PTPRQ: variants seen among roughly 807,000 people sequenced by gnomAD.
PTPRQ encodes the protein phosphatidylinositol phosphatase PTPRQ.
PTPRQ carries 199 observed loss-of-function variants against 246.0 expected under a neutral mutation model. That is an observed-to-expected ratio of 0.81 (90% CI 0.72 to 0.91). The LOEUF (loss-of-function observed/expected upper bound fraction) is 0.91. Among genes scored for constraint, PTPRQ ranks in the 40% least tolerant of loss-of-function variants. PTPRQ has a pLI of 0.00. For missense variants in PTPRQ, 2,624 were observed against 2,528.4 expected (o/e 1.04, Z -0.81); for synonymous variants, 869 against 853.2 (o/e 1.02, Z -0.32).
rs10679738 is a variant in PTPRQ at position 80,501,942 on chromosome 12, C to CA, written c.2273-4073dup. The stretch of plus-strand genomic sequence containing the variant: ...AGTCAGATTAACAGAGTATGATAGG[C>CA]AAAAAAAAATGTAGAAAATGAGGAA... On this transcript the variant is annotated intron_variant, in intron 14 of 44. Coordinates refer to ENST00000644991, the MANE Select transcript of PTPRQ (RefSeq NM_001145026.2). 3.6e-3 allele frequency among the ~76,000 whole-genome samples: 532 copies of CA among 147,934 alleles called. 2 individuals are homozygous for CA. The highest frequency in any genetic ancestry group is 8.1e-3 in the South Asian group (38 of 4,714).
chr12:80,567,209 C>T (rs1376184056), intron 25 of PTPRQ, among the ~76,000 whole-genome samples: 1 of 152,112 alleles, frequency 6.6e-6, no homozygotes, highest in East Asian at 1.9e-4. Context: ...GATTGTTTTT[C>T]TATTAAAAAT....
chr12:80,489,866 A>G (rs1168197628), intron 9 of PTPRQ, among the ~76,000 whole-genome samples: 2 of 152,100 alleles, frequency 1.3e-5, no homozygotes, highest in Non-Finnish European at 1.5e-5. Context: ...GAAACCTGAG[A>G]CATTTTTCTC....
chr12:80,610,806 T>C (rs1898522004), intron 28 of PTPRQ, among the ~76,000 whole-genome samples, 181 bp downstream of exon 28: 1 of 150,366 alleles, frequency 6.7e-6, no homozygotes, highest in African/African-American at 2.4e-5. Context: ...ATTTTTGAGG[T>C]AAAGAGGAGT....
rs115529731 is a variant in PTPRQ at position 80,602,654 on chromosome 12, C to T, written c.4610-2405C>T. Among the ~76,000 whole-genome samples the T allele has an allele frequency of 1.5e-3, 227 of 151,820 alleles. 1 individual carries two copies. The highest frequency in any genetic ancestry group is 4.7e-3 in the African/African-American group (196 of 41,474). ...TTCACCATGGGAGGTATTCTCATGA[C>T]GTAATCACCTCTTATAGGCCCCACC... On this transcript the variant is annotated intron_variant, in intron 26 of 44. Coordinates refer to ENST00000644991, the MANE Select transcript of PTPRQ (RefSeq NM_001145026.2).
intron 14 of PTPRQ, among the ~76,000 whole-genome samples, chr12:80,502,286 A>T (rs920073956): frequency 2.0e-5 from 3 of 151,928 alleles, no homozygotes; most frequent in Non-Finnish European, 4.4e-5. Context: ...AAGCAAGTTT[A>T]TTAGCTTCAA....
chr12:80,586,605 C>T (rs1016060510), intron 25 of PTPRQ: 1 of 152,096 alleles, frequency 6.6e-6, no homozygotes, highest in African/African-American at 2.4e-5. Flanking sequence ...TCTTCTAATC[C>T]CTTCTCTGAT....
chr12:80,552,344 T>C (rs1052187419), intron 25 of PTPRQ, among the ~76,000 whole-genome samples: 6 of 151,906 alleles, frequency 3.9e-5, no homozygotes, highest in Non-Finnish European at 8.8e-5. Flanking sequence ...GGTATAATGG[T>C]CTTGATCATT....
intron 25 of PTPRQ, among the ~76,000 whole-genome samples, chr12:80,558,133 C>CTTTTCTTTTCTTTTCTTTT (rs1896707247): frequency 9.4e-6 from 1 of 106,268 alleles, no homozygotes; most frequent in Non-Finnish European, 1.7e-5. Flanking sequence ...CTTTTCTTTT[C>CTTTTCTTTTCTTTTCTTTT]TTTTCTTTTC....
chr12:80,556,189 A>T (rs1247047330), intron 25 of PTPRQ, among the ~76,000 whole-genome samples: 5 of 152,050 alleles, frequency 3.3e-5, no homozygotes. Flanking sequence ...CACCACACCC[A>T]GCTAATTTTT....
Position 80,549,513 on chromosome 12 carries a change from C to A in PTPRQ, c.4064C>A (p.Ser1355Ter). The A allele has an allele frequency of 6.4e-7, 1 of 1,550,950 alleles. No individual in the cohort carries two copies. Among genetic ancestry groups the A allele is most frequent in the Non-Finnish European group, 8.7e-7 (1 of 1,146,510 alleles). The part of the protein sequence containing the change: ...NMQCMATSWQ[S>*]VLVKWDPPKK... ...CAGTGCATGGCAACTAGCTGGCAGTCAGTTTTAGTGAAATGGGATCCACCC... is the reference window on the plus strand; with the variant it reads ...CAGTGCATGGCAACTAGCTGGCAGTAAGTTTTAGTGAAATGGGATCCACCC... The change falls in exon 25 of 45, where the codon TCA becomes TAA. Residue 1355 changes from serine (S) to a stop codon, truncating the protein, a stop_gained. Transcript: ENST00000644991. LOFTEE classifies it high-confidence loss of function.
intron 33 of PTPRQ, among the ~76,000 whole-genome samples, chr12:80,628,605 T>C (rs1219680293): frequency 6.6e-6 from 1 of 152,302 alleles, no homozygotes; most frequent in East Asian, 1.9e-4. Flanking sequence ...TCAAAATCAA[T>C]ATATTTGTTC....
chr12:80,499,214 C>T (rs1409074683), intron 14 of PTPRQ, among the ~76,000 whole-genome samples: 1 of 152,036 alleles, frequency 6.6e-6, no homozygotes, highest in Non-Finnish European at 1.5e-5. Context: ...GGGAAACCAA[C>T]ATATCCCATG....
At chr12:80,511,905 A>G (rs1895137013) in intron 17 of PTPRQ, among the ~76,000 whole-genome samples, 1 of 152,240 alleles carries the variant, frequency 6.6e-6, no homozygotes, top group Non-Finnish European at 1.5e-5. Flanking sequence ...AAGGGAGTTC[A>G]TAGATAATTT....
At chr12:80,629,307 C>A (rs1390057658) in intron 33 of PTPRQ, among the ~76,000 whole-genome samples, 4 of 152,120 alleles carry the variant, frequency 2.6e-5, no homozygotes, top group Non-Finnish European at 5.9e-5. Flanking sequence ...ACTCCAAATA[C>A]AGCCACACTG....
rs984219697 is a variant in PTPRQ, at chr12:80,649,661, G to A, written c.6016G>A (p.Glu2006Lys). 1.3e-6 allele frequency: 2 copies of A among 1,548,362 alleles called. No individual in the cohort carries two copies. Among genetic ancestry groups the A allele is most frequent in the Admixed American group, 2.0e-5 (1 of 50,678 alleles). ...CTNNNLKFQE[E>K]FSELPKFLQD... ...AAACAACAACCTAAAGTTTCAAGAA[G>A]AATTTTCGGTATGTTACTAGCAGTT... is the stretch of plus-strand genomic sequence containing the variant. Residue 2006 changes from glutamate (E) to lysine (K), a missense_variant, in exon 37 of 45, where the codon GAA becomes AAA. Coordinates refer to ENST00000644991, the MANE Select transcript of PTPRQ (RefSeq NM_001145026.2).
intron 16 of PTPRQ, among the ~76,000 whole-genome samples, chr12:80,509,685 A>G (rs1191756995): frequency 6.6e-6 from 1 of 152,122 alleles, no homozygotes; most frequent in Non-Finnish European, 1.5e-5. Context: ...AAATGTATTT[A>G]TATTTTACAC....
chr12:80,492,328 G>T (rs1223014618), intron 9 of PTPRQ, among the ~76,000 whole-genome samples: 1 of 151,818 alleles, frequency 6.6e-6, no homozygotes, highest in East Asian at 1.9e-4. Flanking sequence ...TACCATCCTG[G>T]TATCATTTAA....
rs1004524750 is a variant in PTPRQ at position 80,590,685 on chromosome 12, A to C, written c.4609+2233A>C. Among the ~76,000 whole-genome samples, 103 of 151,568 alleles carry C rather than the reference A, an allele frequency of 6.8e-4. No homozygotes were observed. The South Asian group carries it at 7.1e-3, about 10-fold the overall frequency. On this transcript the variant is annotated intron_variant, in intron 26 of 44. Transcript: ENST00000644991. ...CCGTCTCAAAAAAAAAAAAAAAAAA[A>C]AAAAAACTATCCAATGTACTCCCAT... is the stretch of plus-strand genomic sequence containing the variant.
chr12:80,656,967 A>G (rs1455923859), intron 38 of PTPRQ, among the ~76,000 whole-genome samples: 1 of 151,784 alleles, frequency 6.6e-6, no homozygotes, highest in African/African-American at 2.4e-5. Flanking sequence ...CAGAATTTGT[A>G]AAATAATAAT....
Sources: gnomAD v4.1 joint callset for allele counts (sites outside exome capture counted in the v4.1 genomes callset) on GRCh38, gnomAD v4.1.1 for gene constraint, MANE v1.5 for transcripts, NCBI Gene and HGNC (gene_info 2026-07-23, HGNC 2026-07-21) for gene names.